The following DGKB variants were observed in gnomAD, a reference collection of about 807,000 sequenced individuals.
The protein encoded by DGKB is 90 kDa diacylglycerol kinase.
In DGKB, 67 loss-of-function variants were observed where a neutral mutation model predicts 114.3. The ratio of observed to expected loss-of-function variants is 0.59; its 90% confidence interval spans 0.48 to 0.72. DGKB has a LOEUF of 0.72. Ranked by LOEUF, DGKB falls within the 30% of genes least tolerant of loss-of-function variation. The pLI, the probability that DGKB is intolerant of heterozygous loss-of-function variation, is 0.00. For synonymous variants in DGKB, 398 were observed against 323.1 expected, an observed-to-expected ratio of 1.23 and a Z score of -2.49; for missense variants, 907 against 975.2, an observed-to-expected ratio of 0.93 and a Z score of 0.93.
intron 21 of DGKB, among the ~76,000 whole-genome samples, chr7:14,399,137 C>A (rs1166558927): frequency 6.6e-6 from 1 of 151,360 alleles, no homozygotes; most frequent in East Asian, 1.9e-4. Flanking sequence ...TTCTGATTGG[C>A]AAAATGGCAA....
chr7:14,567,601 A>G (rs1797773032), intron 20 of DGKB, among the ~76,000 whole-genome samples: 1 of 118,436 alleles, frequency 8.4e-6, no homozygotes, highest in South Asian at 2.3e-4. Context: ...AAAGATATAT[A>G]TATATATATA....
At position 14,338,614 on chromosome 7, in the gene DGKB, C is replaced by T; in HGVS notation, c.2023G>A (p.Glu675Lys). Reference protein sequence around the residue: ...SMHGGSNLWGESKKRRSHRRI... With the variant: ...SMHGGSNLWGKSKKRRSHRRI... ...CGATGGCTTCGTCTTTTCTTAGACT[C>T]TCCCCAAAGATTGGATCCTCCATGC... The change falls in exon 23 of 26, where the codon GAG (glutamate) becomes AAG (lysine). Residue 675 changes from glutamate (E) to lysine (K), a missense_variant. By Grantham distance (56) the Glu-to-Lys change is moderately conservative (BLOSUM62 1). Transcript: ENST00000402815. The T allele has an allele frequency of 6.2e-7, 1 of 1,610,318 alleles. No homozygotes were observed. The highest frequency in any genetic ancestry group is 8.5e-7 in the Non-Finnish European group (1 of 1,177,844).
upstream of DGKB, among the ~76,000 whole-genome samples, chr7:14,906,672 C>G (rs1464489320): frequency 1.3e-5 from 2 of 151,884 alleles, no homozygotes. Flanking sequence ...AGGCTGGTCT[C>G]GAACTCCTGA....
chr7:14,521,472 ATCAAGT>A (rs1366919313), intron 20 of DGKB, among the ~76,000 whole-genome samples: 1 of 152,146 alleles, frequency 6.6e-6, no homozygotes, highest in Admixed American at 6.6e-5. Flanking sequence ...AATGTATTAC[ATCAAGT>A]TTGAGAAACT....
chr7:14,748,547 G>A (rs985882256), intron 4 of DGKB, among the ~76,000 whole-genome samples: 6 of 152,126 alleles, frequency 3.9e-5, no homozygotes, highest in African/African-American at 2.4e-5. Context: ...GGAGGAGCAG[G>A]AAATTGGAGC....
At chr7:14,818,189 C>T (rs926923511) in intron 2 of DGKB, among the ~76,000 whole-genome samples, 4 of 152,168 alleles carry the variant, frequency 2.6e-5, no homozygotes, top group African/African-American at 4.8e-5. Flanking sequence ...AACTAAGATA[C>T]ATTTATTTCA....
intron 13 of DGKB, among the ~76,000 whole-genome samples, chr7:14,635,953 T>C (rs190150451): frequency 4.6e-5 from 7 of 151,806 alleles, no homozygotes; most frequent in Admixed American, 4.6e-4. Context: ...GTAATGAAAG[T>C]ATATTGATAA....
At chr7:14,946,589 T>C (rs377518321) in intron 1 of DGKB, among the ~76,000 whole-genome samples, 1 of 151,818 alleles carries the variant, frequency 6.6e-6, no homozygotes, top group African/African-American at 2.4e-5. Context: ...ACTACACACA[T>C]ACACACAAAT....
chr7:14,627,449 C>A (rs1808788015), intron 14 of DGKB, among the ~76,000 whole-genome samples: 1 of 152,024 alleles, frequency 6.6e-6, no homozygotes, highest in African/African-American at 2.4e-5. Flanking sequence ...AAACCACTTA[C>A]AAGATTTCTG....
intron 23 of DGKB, among the ~76,000 whole-genome samples, chr7:14,221,893 G>A (rs955981844): frequency 2.0e-5 from 3 of 151,266 alleles, no homozygotes; most frequent in African/African-American, 7.3e-5. Context: ...AGTAGTTTGT[G>A]TCTTTCTAAG....
chr7:14,673,881 AT>A (rs1418643197), intron 12 of DGKB, among the ~76,000 whole-genome samples: 1 of 152,118 alleles, frequency 6.6e-6, no homozygotes. Context: ...TTAGAAAAAA[AT>A]ATACATTTCA....
chr7:14,282,935 C>A (rs1229949000), intron 23 of DGKB, among the ~76,000 whole-genome samples: 1 of 151,926 alleles, frequency 6.6e-6, no homozygotes, highest in Admixed American at 6.6e-5. Flanking sequence ...TGGAAGCATT[C>A]CCTTTGAAAA....
Position 14,682,733 on chromosome 7 carries a change from A to G in DGKB, c.918+20T>C, listed in dbSNP as rs1380345028. On this transcript the variant is annotated intron_variant, in intron 11 of 25. Coordinates refer to ENST00000402815, the MANE Select transcript of DGKB (RefSeq NM_001350709.2). ...TACATAATGGCCACCTTCAGAAAGC[A>G]AGCATGCACACAAACTTACATCAGT... The G allele has an allele frequency of 3.7e-6, 6 of 1,610,278 alleles. No homozygotes were observed. The African/African-American group carries it at 8.0e-5, about 22-fold the overall frequency.
chr7:14,932,887 T>A (rs1785094859), intron 1 of DGKB, among the ~76,000 whole-genome samples: 1 of 152,174 alleles, frequency 6.6e-6, no homozygotes. Context: ...TGATAGGAAC[T>A]TTATGGATGG....
At chr7:14,794,094 G>A (rs1437444288) in intron 2 of DGKB, among the ~76,000 whole-genome samples, 1 of 152,102 alleles carries the variant, frequency 6.6e-6, no homozygotes, top group Non-Finnish European at 1.5e-5. Context: ...AAAGCACATT[G>A]TGAGACTTCT....
At chr7:14,453,835 C>T (rs987449) in intron 21 of DGKB, among the ~76,000 whole-genome samples, 81,714 of 151,990 alleles carry the variant, frequency 0.54, 22,611 homozygotes, top group African/African-American at 0.66. Context: ...ACAAAACATT[C>T]CTTTTATAAA....
intron 20 of DGKB, among the ~76,000 whole-genome samples, chr7:14,546,603 C>T (rs534617242): frequency 3.9e-5 from 6 of 152,178 alleles, no homozygotes; most frequent in South Asian, 4.1e-4. Context: ...CTTTCCACTA[C>T]GGATCTGGAA....
At chr7:14,565,819 C>G (rs989553928) in intron 20 of DGKB, among the ~76,000 whole-genome samples, 2 of 151,994 alleles carry the variant, frequency 1.3e-5, no homozygotes, top group African/African-American at 4.8e-5. Context: ...TTCTTGAAAA[C>G]TTCCATGTCA....
chr7:14,255,870 C>T (rs1191384402), intron 23 of DGKB, among the ~76,000 whole-genome samples: 2 of 152,154 alleles, frequency 1.3e-5, no homozygotes, highest in Non-Finnish European at 2.9e-5. Context: ...TGTGCTCCAA[C>T]CCCAACAAAC....
Sources: allele counts gnomAD v4.1 joint callset (sites outside exome capture counted in the v4.1 genomes callset), GRCh38; gene constraint gnomAD v4.1.1; transcripts MANE v1.5; gene names NCBI Gene and HGNC (gene_info 2026-07-23, HGNC 2026-07-21).